CCDC126: variants seen among roughly 807,000 people sequenced by gnomAD.
CCDC126 encodes the protein coiled-coil domain-containing protein 126.
Under a neutral mutation model 11.7 loss-of-function variants are expected in CCDC126, and 5 were observed. The observed-to-expected ratio is 0.43, with a 90% confidence interval of 0.22 to 0.90. CCDC126 has a LOEUF of 0.90. Among genes scored for constraint, CCDC126 ranks in the 40% least tolerant of loss-of-function variants. The probability of loss-of-function intolerance (pLI) is 0.27; values close to 1 mark genes in which losing one functional copy is unlikely to be tolerated. For missense variants in CCDC126, 150 were observed against 163.1 expected, an observed-to-expected ratio of 0.92 and a Z score of 0.44; for synonymous variants, 60 against 61.9, an observed-to-expected ratio of 0.97 and a Z score of 0.14.
Position 23,611,554 on chromosome 7 carries a change from G to A in CCDC126, c.238+1G>A. On this transcript the variant is annotated splice_donor_variant, in intron 3 of 3. Transcript: ENST00000307471. LOFTEE classifies it high-confidence loss of function. ...AACGGTGCTTCTATGGCAGGATATG[G>A]TAAGATAACCGTAGAATATTTCTAG... is the stretch of plus-strand genomic sequence containing the variant. 1 of 1,583,368 alleles carries A rather than the reference G, an allele frequency of 6.3e-7. No homozygotes were observed. Among genetic ancestry groups the A allele is most frequent in the Non-Finnish European group, 8.7e-7 (1 of 1,152,308 alleles).
intron 2 of CCDC126, among the ~76,000 whole-genome samples, chr7:23,600,127 T>C (rs555345067): frequency 1.3e-5 from 2 of 152,308 alleles, no homozygotes; most frequent in African/African-American, 2.4e-5. Context: ...TGGTTAGTTT[T>C]CTTTTTGCCT....
At chr7:23,606,360 A>T (rs756476224) in intron 2 of CCDC126, among the ~76,000 whole-genome samples, 1 of 152,142 alleles carries the variant, frequency 6.6e-6, no homozygotes, top group Non-Finnish European at 1.5e-5. Context: ...GCCTGGCCTC[A>T]TAGTGGTTTT....
At chr7:23,628,415 T>C (rs977551998) in intron 3 of CCDC126, among the ~76,000 whole-genome samples, 1 of 152,156 alleles carries the variant, frequency 6.6e-6, no homozygotes. Context: ...AAAAGCCTGT[T>C]CTCTCTAGCC....
chr7:23,632,158 A>G (rs527280702), intron 3 of CCDC126, among the ~76,000 whole-genome samples: 4 of 139,664 alleles, frequency 2.9e-5, no homozygotes, highest in Admixed American at 1.5e-4. Context: ...CAGTGGTGTG[A>G]TCTCAGCTCA....
chr7:23,611,248 A>T lies in CCDC126; in HGVS notation c.-68A>T. On this transcript the variant is annotated 5_prime_UTR_variant, in exon 3 of 4. In the 5' UTR this introduces an upstream ATG that the reference lacks. Transcript: ENST00000307471. ...GGATATTTTTTTCTTTTTTTTTTCA[A>T]GTCTTGATTTGTGGCTTACCTCAAG... The T allele has an allele frequency of 1.1e-6, 1 of 920,746 alleles. No individual in the cohort carries two copies. The highest frequency in any genetic ancestry group is 1.7e-6 in the Non-Finnish European group (1 of 575,298). The allele number at this position is 920,746 out of a possible 1,614,324, so 57.0% of individuals were successfully genotyped here.
rs1391813888 is a variant in CCDC126 at position 23,638,507 on chromosome 7, C to A, written c.239-4424C>A. 3.4e-3 allele frequency among the ~76,000 whole-genome samples: 394 copies of A among 115,490 alleles called. 3 individuals carry two copies. The highest frequency in any genetic ancestry group is 0.014 in the African/African-American group (378 of 27,474). The allele number at this position is 115,490 out of a possible 152,430, so 75.8% of individuals were successfully genotyped here. A position where few individuals can be genotyped will look rare whatever the true frequency, so the allele number is the denominator to read the frequency against. On this transcript the variant is annotated intron_variant, in intron 3 of 3. Transcript: ENST00000307471. Reference sequence around the variant, plus strand: ...CAAGATGTGCTTTGTTAAACAGATGCTTGAAGGCAGCATGCTCGTTAAGAG... The same window carrying A: ...CAAGATGTGCTTTGTTAAACAGATGATTGAAGGCAGCATGCTCGTTAAGAG...
chr7:23,623,369 G>C (rs753923298), intron 3 of CCDC126, among the ~76,000 whole-genome samples: 1 of 152,014 alleles, frequency 6.6e-6, no homozygotes, highest in Non-Finnish European at 1.5e-5. Flanking sequence ...GGCCGAGGTG[G>C]GCGGATCACC....
At chr7:23,629,830 C>T (rs1562497231) in intron 3 of CCDC126, among the ~76,000 whole-genome samples, 2 of 152,090 alleles carry the variant, frequency 1.3e-5, no homozygotes, top group Non-Finnish European at 2.9e-5. Flanking sequence ...CTTCCAGAAC[C>T]TCTGGGACCA....
rs754297249 is a variant in CCDC126 at position 23,640,991 on chromosome 7, G to GATTTTTTTTTTTTTTTTTTT, written c.239-1940_239-1939insATTTTTTTTTTTTTTTTTTT. 2.7e-5 allele frequency among the ~76,000 whole-genome samples: 3 copies of GATTTTTTTTTTTTTTTTTTT among 111,000 alleles called. 1 individual carries two copies. The highest frequency in any genetic ancestry group is 9.2e-5 in the Admixed American group (1 of 10,844). The allele number at this position is 111,000 out of a possible 152,430, so 72.8% of individuals were successfully genotyped here. On this transcript the variant is annotated intron_variant, in intron 3 of 3. Coordinates refer to ENST00000307471, the MANE Select transcript of CCDC126 (RefSeq NM_138771.4). ...ATCCCTCTGAGCTCTGAATCCTTTTGGTTTTTTTTTTTTTTTTTTTTTTTG... is the reference window on the plus strand; with the variant it reads ...ATCCCTCTGAGCTCTGAATCCTTTTGATTTTTTTTTTTTTTTTTTTGTTTTTTTTTTTTTTTTTTTTTTTG...
intron 3 of CCDC126, among the ~76,000 whole-genome samples, chr7:23,637,721 C>T (rs1358041681): frequency 2.2e-4 from 7 of 32,110 alleles, no homozygotes; most frequent in East Asian, 9.7e-4. Flanking sequence ...GGTCAGCCCC[C>T]CGCCCGGCCA....
Position 23,597,622 on chromosome 7 carries a change from G to T in CCDC126, c.-231+17G>T, listed in dbSNP as rs1159202710. The T allele has an allele frequency of 6.6e-6, 1 of 152,328 alleles. No individual in the cohort carries two copies. 9.4% of individuals were successfully genotyped at this position (152,328 alleles called of 1,614,324 possible). The stretch of plus-strand genomic sequence containing the variant: ...CACGGCCAGGTAATGAGTAAGGGGC[G>T]AGTCCGCCAGCCGGGCCCGCACCTC... On this transcript the variant is annotated intron_variant, in intron 1 of 3. Transcript: ENST00000307471.
intron 2 of CCDC126, among the ~76,000 whole-genome samples, chr7:23,600,291 G>A (rs926920196): frequency 2.6e-5 from 4 of 151,408 alleles, no homozygotes; most frequent in African/African-American, 7.3e-5. Context: ...TATCTTAGCT[G>A]GAATTTTAGT....
chr7:23,635,886 T>TCTCCCTCTCCCC (rs1197718471), intron 3 of CCDC126, among the ~76,000 whole-genome samples: 2 of 150,412 alleles, frequency 1.3e-5, no homozygotes, highest in African/African-American at 5.0e-5. Context: ...TCCCTCTCCC[T>TCTCCCTCTCCCC]CTCCCTCTCC....
At chr7:23,620,757 A>T (rs1031922497) in intron 3 of CCDC126, among the ~76,000 whole-genome samples, 3 of 152,170 alleles carry the variant, frequency 2.0e-5, no homozygotes, top group African/African-American at 7.2e-5. Flanking sequence ...ATTTTTGTAT[A>T]AAGTGTAAGG....
intron 3 of CCDC126, among the ~76,000 whole-genome samples, 175 bp from the exon 4 acceptor site, chr7:23,642,756 C>T (rs1286823855): frequency 6.6e-6 from 1 of 150,742 alleles, no homozygotes; most frequent in Non-Finnish European, 1.5e-5. Flanking sequence ...GAGGGAAACT[C>T]CATCTCAAAA....
chr7:23,611,884 C>T (rs1031704292), intron 3 of CCDC126, among the ~76,000 whole-genome samples: 2 of 152,162 alleles, frequency 1.3e-5, no homozygotes, highest in African/African-American at 4.8e-5. Flanking sequence ...TGGCTCACGC[C>T]TGTAATCCCA....
At chr7:23,599,654 C>G (rs1412954887) in intron 2 of CCDC126, among the ~76,000 whole-genome samples, 1 of 151,612 alleles carries the variant, frequency 6.6e-6, no homozygotes, top group Non-Finnish European at 1.5e-5. Context: ...GAGACAGGGT[C>G]TCACCATGTT....
chr7:23,618,548 T>G (rs1239863391), intron 3 of CCDC126, among the ~76,000 whole-genome samples: 8 of 140,914 alleles, frequency 5.7e-5, no homozygotes, highest in South Asian at 2.2e-4. Context: ...ATTTTTTTTT[T>G]TTTTTTTTTT....
chr7:23,606,478 G>T (rs1025516172), intron 2 of CCDC126, among the ~76,000 whole-genome samples: 1 of 152,140 alleles, frequency 6.6e-6, no homozygotes, highest in African/African-American at 2.4e-5. Flanking sequence ...GCTCTGAGAA[G>T]AATGGATTGA....
Sources: gnomAD v4.1 joint callset for allele counts (sites outside exome capture counted in the v4.1 genomes callset) on GRCh38, gnomAD v4.1.1 for gene constraint, MANE v1.5 for transcripts, NCBI Gene and HGNC (gene_info 2026-07-23, HGNC 2026-07-21) for gene names.